Variants in PINX1 observed in about 807,000 individuals in gnomAD.
PINX1 encodes the protein PIN2 (TERF1) interacting telomerase inhibitor 1.
In PINX1, 34 loss-of-function variants were observed where a neutral mutation model predicts 25.4. The ratio of observed to expected loss-of-function variants is 1.34; its 90% CI spans 1.02 to 1.78. The LOEUF (loss-of-function observed/expected upper bound fraction) is 1.78, where lower values mean the gene tolerates loss of function less well. PINX1 is among the 40% of genes most tolerant of loss of function. The pLI is 0.00. For synonymous variants in PINX1, 197 were observed against 147.7 expected (o/e 1.33, Z -2.42); for missense variants, 592 against 404.9 (o/e 1.46, Z -3.97).
chr8:10,765,597 G>A lies in PINX1; in HGVS notation c.791C>T (p.Pro264Leu). ...SAPAEEQLRG[P>L]CWDQSSKASA... ...GGCCTTGGAACTCTGGTCCCAGCAG[G>A]GGCCTCTGAGCTGCTCTTCTGCTGG... is the stretch of plus-strand genomic sequence containing the variant. The change falls in exon 7 of 7, where the codon CCC (proline) becomes CTC (leucine). Residue 264 changes from proline to leucine, a missense_variant. Physicochemically the swap from Pro to Leu is moderately conservative, Grantham distance 98. Coordinates refer to ENST00000314787, the MANE Select transcript of PINX1 (RefSeq NM_017884.6). 4.3e-6 allele frequency: 7 copies of A among 1,613,668 alleles called. No homozygotes were observed. Among genetic ancestry groups the A allele is most frequent in the Non-Finnish European group, 5.1e-6 (6 of 1,179,818 alleles).
intron 6 of PINX1, among the ~76,000 whole-genome samples, chr8:10,790,599 C>A (rs987662839): frequency 3.9e-5 from 6 of 152,174 alleles, no homozygotes; most frequent in African/African-American, 7.2e-5. Flanking sequence ...GACCTCCCAA[C>A]ATGACTCCAC....
intron 6 of PINX1, among the ~76,000 whole-genome samples, chr8:10,805,542 G>C (rs376307371): frequency 3.2e-4 from 43 of 132,814 alleles, no homozygotes; most frequent in African/African-American, 1.2e-3. Context: ...TGAGGGAGGA[G>C]GCAGAGCACA....
chr8:10,822,882 G>A (rs1797920962), intron 5 of PINX1, among the ~76,000 whole-genome samples: 1 of 152,222 alleles, frequency 6.6e-6, no homozygotes, highest in Admixed American at 6.5e-5. Flanking sequence ...GTTTATGTAG[G>A]TAGCTTCAAT....
At chr8:10,839,106 C>T (rs1232645099) in intron 1 of PINX1, among the ~76,000 whole-genome samples, 2 of 152,162 alleles carry the variant, frequency 1.3e-5, no homozygotes, top group Non-Finnish European at 2.9e-5. Context: ...GTTCAGCAGC[C>T]TCTACAGAGA....
At position 10,820,255 on chromosome 8, in the gene PINX1, A is replaced by G. The variant is rs1243968890; in HGVS notation, c.409T>C (p.Ser137Pro). The G allele has an allele frequency of 1.9e-6, 3 of 1,611,442 alleles. No homozygotes were observed. The highest frequency in any genetic ancestry group is 2.5e-6 in the Non-Finnish European group (3 of 1,177,846). Residue 137 changes from serine (S) to proline (P), a missense_variant, in exon 6 of 7, where the codon TCT (serine) becomes CCT (proline). Physicochemically the swap from Ser to Pro is moderately conservative, Grantham distance 74. Coordinates refer to ENST00000314787, the MANE Select transcript of PINX1 (RefSeq NM_017884.6). The part of the protein sequence containing the change: ...MKFTKGKDLS[S>P]RSKTDLDCIF... ...CAGTCAAGATCTGTTTTGCTCCGAGATGACAGATCCTTCCCTAGAAAAACA... is the reference window on the plus strand; with the variant it reads ...CAGTCAAGATCTGTTTTGCTCCGAGGTGACAGATCCTTCCCTAGAAAAACA...
intron 6 of PINX1, among the ~76,000 whole-genome samples, chr8:10,810,225 C>G (rs1274729429): frequency 5.3e-5 from 8 of 152,236 alleles, no homozygotes; most frequent in Non-Finnish European, 1.2e-4. Flanking sequence ...CACGTCCAAA[C>G]CATATCAGAA....
intron 6 of PINX1, among the ~76,000 whole-genome samples, chr8:10,804,864 T>A (rs1236307907): frequency 2.0e-5 from 3 of 151,622 alleles, no homozygotes; most frequent in African/African-American, 7.3e-5. Context: ...CAACCCTGGG[T>A]ATGGGTTTAA....
At chr8:10,812,722 G>C (rs1372834258) in intron 6 of PINX1, among the ~76,000 whole-genome samples, 1 of 152,146 alleles carries the variant, frequency 6.6e-6, no homozygotes, top group African/African-American at 2.4e-5. Flanking sequence ...TGACACCCAG[G>C]CCCGCACAGA....
At chr8:10,824,599 T>G (rs533266763) in intron 5 of PINX1, among the ~76,000 whole-genome samples, 8 of 152,182 alleles carry the variant, frequency 5.3e-5, no homozygotes, top group African/African-American at 1.9e-4. Context: ...TAACTAGAAA[T>G]AGAAAGCAGA....
chr8:10,838,727 T>A (rs987518893), intron 1 of PINX1, among the ~76,000 whole-genome samples: 6 of 152,246 alleles, frequency 3.9e-5, no homozygotes, highest in Admixed American at 6.5e-5. Context: ...TACTCATTTC[T>A]ATGGGTCTCC....
intron 6 of PINX1, among the ~76,000 whole-genome samples, chr8:10,792,901 C>A (rs536735530): frequency 1.9e-4 from 29 of 152,130 alleles, no homozygotes; most frequent in African/African-American, 6.7e-4. Context: ...CTGAGATGCC[C>A]CCTTACCTCT....
intron 6 of PINX1, among the ~76,000 whole-genome samples, chr8:10,787,209 G>A (rs1452219256): frequency 6.8e-6 from 1 of 147,552 alleles, no homozygotes; most frequent in African/African-American, 2.6e-5. Flanking sequence ...CATATTTTAT[G>A]CACACACACA....
chr8:10,828,876 C>A (rs1237307584), intron 4 of PINX1, among the ~76,000 whole-genome samples: 1 of 152,160 alleles, frequency 6.6e-6, no homozygotes, highest in Admixed American at 6.5e-5. Flanking sequence ...AGCAGCTGGC[C>A]CGGCCCTCAC....
chr8:10,817,378 A>C (rs762891030), intron 6 of PINX1, among the ~76,000 whole-genome samples: 2 of 152,238 alleles, frequency 1.3e-5, no homozygotes, highest in African/African-American at 4.8e-5. Context: ...AAATCTGATC[A>C]AAGTCCTCCT....
Position 10,820,179 on chromosome 8 carries a change from A to G in PINX1, c.471+14T>C, listed in dbSNP as rs751541583. 3 of 1,539,464 alleles carry G rather than the reference A, an allele frequency of 1.9e-6. No individual in the cohort carries two copies. The South Asian group carries it at 3.4e-5, about 17-fold the overall frequency. On this transcript the variant is annotated intron_variant, in intron 6 of 6. Transcript: ENST00000314787. ...TATTAAAGCGGAACACGGAAACTGT[A>G]CGTGGCTTTATACCTCGGGAGTCTT...
At chr8:10,775,410 G>GTTTTTTTTTTTT (rs143926728) in intron 6 of PINX1, among the ~76,000 whole-genome samples, 23 of 109,604 alleles carry the variant, frequency 2.1e-4, no homozygotes, top group Non-Finnish European at 3.2e-4. Flanking sequence ...CTGTTTTGTG[G>GTTTTTTTTTTTT]TTTTTTTTTT....
intron 5 of PINX1, among the ~76,000 whole-genome samples, chr8:10,824,154 A>G (rs541916081): frequency 1.4e-4 from 22 of 151,944 alleles, no homozygotes; most frequent in Middle Eastern, 6.9e-3. Flanking sequence ...AGAACTTAAT[A>G]GTCACTTACA....
chr8:10,808,765 T>C (rs1802534703), intron 6 of PINX1, among the ~76,000 whole-genome samples: 1 of 152,232 alleles, frequency 6.6e-6, no homozygotes, highest in Non-Finnish European at 1.5e-5. Flanking sequence ...TTGGTAAACC[T>C]AGATAGTCAA....
At chr8:10,775,094 AAGG>A (rs1801346426) in intron 6 of PINX1, among the ~76,000 whole-genome samples, 1 of 152,220 alleles carries the variant, frequency 6.6e-6, no homozygotes, top group Admixed American at 6.5e-5. Context: ...CTGTAATTCC[AAGG>A]AGCTCATAAA....
Sources: allele counts gnomAD v4.1 joint callset (sites outside exome capture counted in the v4.1 genomes callset), GRCh38; gene constraint gnomAD v4.1.1; transcripts MANE v1.5; gene names NCBI Gene and HGNC (gene_info 2026-07-23, HGNC 2026-07-21).